Variants in AOPEP observed in about 807,000 individuals in gnomAD.
AOPEP encodes aminopeptidase O (putative).
In AOPEP, 77 loss-of-function variants were observed where a neutral mutation model predicts 98.1. The ratio of observed to expected loss-of-function variants is 0.78; its 90% CI spans 0.65 to 0.95. The LOEUF (loss-of-function observed/expected upper bound fraction) is 0.95, where lower values mean the gene tolerates loss of function less well. Among genes scored for constraint, AOPEP ranks in the 40% least tolerant of loss-of-function variants. AOPEP has a pLI of 0.00. For synonymous variants in AOPEP, 346 were observed against 365.3 expected (o/e 0.95, Z 0.60); for missense variants, 1,024 against 1,024.7 (o/e 1.00, Z 0.01).
chr9:94,890,256 G>A (rs1042514210), intron 5 of AOPEP, among the ~76,000 whole-genome samples: 1 of 151,530 alleles, frequency 6.6e-6, no homozygotes, highest in Non-Finnish European at 1.5e-5. Context: ...AGGCTGGAGC[G>A]CAGTGGCATG....
chr9:94,783,827 C>G (rs181453843), intron 3 of AOPEP, among the ~76,000 whole-genome samples: 71 of 151,916 alleles, frequency 4.7e-4, no homozygotes, highest in Admixed American at 1.0e-3. Context: ...CAAAGATGTT[C>G]CAAAGTAATC....
intron 5 of AOPEP, among the ~76,000 whole-genome samples, chr9:94,801,478 C>T (rs1400337820): frequency 6.6e-6 from 1 of 152,124 alleles, no homozygotes; most frequent in African/African-American, 2.4e-5. Context: ...CTTGAGAGAC[C>T]CTGAGTCAGA....
chr9:95,072,341 G>A lies in AOPEP; in HGVS notation c.2233-8353G>A, dbSNP rs559931224. Reference sequence around the variant, plus strand: ...TCTTCTGGAGTTTACCAGGAATCTGGTTCTGGACACATGAAGATATCTTGG... The same window carrying A: ...TCTTCTGGAGTTTACCAGGAATCTGATTCTGGACACATGAAGATATCTTGG... On this transcript the variant is annotated intron_variant, in intron 14 of 16. Coordinates refer to ENST00000375315, the MANE Select transcript of AOPEP (RefSeq NM_001193329.3). Among the ~76,000 whole-genome samples the A allele has an allele frequency of 1.6e-4, 24 of 152,354 alleles. 1 individual carries two copies. In the South Asian group the frequency reaches 5.0e-3, roughly 32 times the overall value.
At chr9:94,884,728 C>G (rs2047985638) in intron 5 of AOPEP, among the ~76,000 whole-genome samples, 1 of 152,158 alleles carries the variant, frequency 6.6e-6, no homozygotes, top group Non-Finnish European at 1.5e-5. Context: ...AAATCAGGCA[C>G]TGGCCGGGCG....
intron 5 of AOPEP, among the ~76,000 whole-genome samples, chr9:94,898,345 G>C (rs1279871342): frequency 6.6e-6 from 1 of 152,104 alleles, no homozygotes; most frequent in Non-Finnish European, 1.5e-5. Context: ...CTGGCCAGGC[G>C]TGGTGGCTCA....
intron 11 of AOPEP, among the ~76,000 whole-genome samples, chr9:94,996,165 C>T (rs1445568329): frequency 6.6e-6 from 1 of 152,132 alleles, no homozygotes; most frequent in African/African-American, 2.4e-5. Context: ...AGAAAACATC[C>T]TACAAAAAGT....
At chr9:94,756,860 A>G (rs1227554440) in intron 1 of AOPEP, among the ~76,000 whole-genome samples, 1 of 152,040 alleles carries the variant, frequency 6.6e-6, no homozygotes, top group African/African-American at 2.4e-5. Context: ...CCGTTCTGGA[A>G]GCTTTAACTT....
chr9:95,044,846 G>T (rs2065692045), intron 13 of AOPEP, among the ~76,000 whole-genome samples: 1 of 152,158 alleles, frequency 6.6e-6, no homozygotes, highest in Admixed American at 6.5e-5. Flanking sequence ...CGCTGGCAGT[G>T]GGGGAAGGGG....
intron 7 of AOPEP, among the ~76,000 whole-genome samples, chr9:94,943,331 C>T (rs1046979263): frequency 8.5e-5 from 13 of 152,150 alleles, no homozygotes; most frequent in African/African-American, 2.4e-4. Context: ...TGGTGGCTCA[C>T]GCCTGTAATC....
chr9:95,101,380 C>A, the AOPEP span: 2 of 421,010 alleles, frequency 4.8e-6, no homozygotes, highest in South Asian at 6.1e-5. Context: ...TGCAGCTTGA[C>A]TTGGGTAAAA....
intron 1 of AOPEP, among the ~76,000 whole-genome samples, chr9:94,753,924 G>A (rs1836413690): frequency 6.6e-6 from 1 of 152,214 alleles, no homozygotes; most frequent in African/African-American, 2.4e-5. Context: ...GCTAGGAGAT[G>A]TGCGTAAGGA....
intron 13 of AOPEP, among the ~76,000 whole-genome samples, chr9:95,036,122 TG>T (rs2064798283): frequency 6.6e-6 from 1 of 152,210 alleles, no homozygotes; most frequent in African/African-American, 2.4e-5. Context: ...ATTTTTGTCC[TG>T]TTTAAAGGTT....
intron 13 of AOPEP, among the ~76,000 whole-genome samples, chr9:95,023,104 G>A (rs547943198): frequency 6.6e-6 from 1 of 152,316 alleles, no homozygotes; most frequent in East Asian, 1.9e-4. Context: ...GACTTCACGG[G>A]AAAACATTTT....
At chr9:95,049,107 C>T (rs920989137) in intron 13 of AOPEP, 2 of 152,094 alleles carry the variant, frequency 1.3e-5, no homozygotes, top group African/African-American at 4.8e-5. Flanking sequence ...TGTTAAATTC[C>T]GAGATGAGAA....
chr9:95,050,465 A>G (rs907986430), intron 13 of AOPEP, among the ~76,000 whole-genome samples: 2 of 152,336 alleles, frequency 1.3e-5, no homozygotes, highest in Admixed American at 6.5e-5. Context: ...AATTTGGAGG[A>G]AATGTGACTC....
At chr9:94,956,172 T>C (rs1564443951) in intron 9 of AOPEP, among the ~76,000 whole-genome samples, 157 bp downstream of exon 9, 1 of 152,204 alleles carries the variant, frequency 6.6e-6, no homozygotes, top group Non-Finnish European at 1.5e-5. Flanking sequence ...AAGAAAGGGT[T>C]GCTTCAGGGA....
intron 10 of AOPEP, among the ~76,000 whole-genome samples, chr9:94,977,234 G>A (rs1043771944): frequency 6.6e-6 from 1 of 152,104 alleles, no homozygotes; most frequent in African/African-American, 2.4e-5. Flanking sequence ...GGGTATGAAC[G>A]CACTGTCCCC....
chr9:94,858,051 C>T (rs2044449852), intron 5 of AOPEP, among the ~76,000 whole-genome samples: 1 of 151,082 alleles, frequency 6.6e-6, no homozygotes, highest in African/African-American at 2.4e-5. Context: ...TGAGCTACCA[C>T]GTCTGGCCTG....
intron 13 of AOPEP, among the ~76,000 whole-genome samples, chr9:95,026,623 T>C (rs2063860491): frequency 6.6e-6 from 1 of 152,226 alleles, no homozygotes; most frequent in South Asian, 2.1e-4. Context: ...ATTTCCAGTT[T>C]AGGGCTGTAG....
Sources: gnomAD v4.1 joint callset for allele counts (sites outside exome capture counted in the v4.1 genomes callset) on GRCh38, gnomAD v4.1.1 for gene constraint, MANE v1.5 for transcripts, NCBI Gene and HGNC (gene_info 2026-07-23, HGNC 2026-07-21) for gene names.